The following NPAS3 variants were observed in gnomAD, a reference collection of about 807,000 sequenced individuals.
The protein encoded by NPAS3 is neuronal PAS domain-containing protein 3.
Under a neutral mutation model 73.1 loss-of-function variants are expected in NPAS3, and 14 were observed. The observed-to-expected ratio is 0.19, with a 90% confidence interval of 0.13 to 0.30. NPAS3 has a LOEUF of 0.30. NPAS3 is among the 10% of genes least tolerant of loss of function. NPAS3 has a pLI of 1.00. For missense variants in NPAS3, 1,096 were observed against 1,250.0 expected, an observed-to-expected ratio of 0.88 and a Z score of 1.86; for synonymous variants, 620 against 541.5, an observed-to-expected ratio of 1.14 and a Z score of -2.01.
chr14:33,292,942 G>T (rs1005056851), intron 3 of NPAS3, among the ~76,000 whole-genome samples: 1 of 152,130 alleles, frequency 6.6e-6, no homozygotes, highest in Non-Finnish European at 1.5e-5. Flanking sequence ...TCAATGGGGA[G>T]GTATTCAAGT....
chr14:33,757,685 T>C (rs1279006982), intron 7 of NPAS3, among the ~76,000 whole-genome samples: 2 of 152,212 alleles, frequency 1.3e-5, no homozygotes, highest in African/African-American at 4.8e-5. Flanking sequence ...AATGACTGAC[T>C]GGATCTGGAA....
At chr14:33,172,364 C>T (rs2045424057) in intron 2 of NPAS3, among the ~76,000 whole-genome samples, 1 of 152,152 alleles carries the variant, frequency 6.6e-6, no homozygotes, top group Admixed American at 6.5e-5. Context: ...TATTCCTAGC[C>T]TGCTGCAACT....
rs534597640 is a variant in NPAS3, at chr14:33,312,931, G to T, written c.386-54255G>T. Among the ~76,000 whole-genome samples the T allele has an allele frequency of 3.3e-5, 5 of 152,052 alleles. No homozygotes were observed. The East Asian group carries it at 7.7e-4, about 24-fold the overall frequency. On this transcript the variant is annotated intron_variant, in intron 3 of 11. Transcript: ENST00000356141. ...GGTCGTTATATATACATAGAATTTT[G>T]GTGGTTGGTCCTTTAATTATGGCAT...
intron 3 of NPAS3, among the ~76,000 whole-genome samples, chr14:33,223,994 C>A (rs2047531149): frequency 6.6e-6 from 1 of 152,078 alleles, no homozygotes; most frequent in Non-Finnish European, 1.5e-5. Context: ...ACTTCATATA[C>A]TTTTTCTTTG....
At chr14:33,615,696 A>G (rs570407113) in intron 5 of NPAS3, among the ~76,000 whole-genome samples, 2 of 152,272 alleles carry the variant, frequency 1.3e-5, no homozygotes, top group Non-Finnish European at 2.9e-5. Context: ...GCATAAATCA[A>G]CTTGTTTATT....
intron 4 of NPAS3, among the ~76,000 whole-genome samples, chr14:33,488,953 T>G (rs1007317062): frequency 6.6e-6 from 1 of 152,196 alleles, no homozygotes; most frequent in African/African-American, 2.4e-5. Context: ...GATGCTCACA[T>G]GACAAAGCAG....
At chr14:33,648,392 A>C (rs2058895853) in intron 5 of NPAS3, among the ~76,000 whole-genome samples, 1 of 152,198 alleles carries the variant, frequency 6.6e-6, no homozygotes, top group African/African-American at 2.4e-5. Flanking sequence ...TTTGAAAATA[A>C]CTTGGGCATG....
intron 2 of NPAS3, among the ~76,000 whole-genome samples, chr14:33,064,588 C>A (rs1227672505): frequency 6.6e-6 from 1 of 151,872 alleles, no homozygotes; most frequent in Non-Finnish European, 1.5e-5. Context: ...GAGTGGTGGG[C>A]GGGGAGGGGG....
At chr14:32,944,377 A>G (rs1188547047) in intron 1 of NPAS3, among the ~76,000 whole-genome samples, 1 of 152,242 alleles carries the variant, frequency 6.6e-6, no homozygotes, top group Non-Finnish European at 1.5e-5. Flanking sequence ...TTAGTAAATA[A>G]GTTAGTATGT....
At chr14:33,159,049 A>G (rs1422718054) in intron 2 of NPAS3, among the ~76,000 whole-genome samples, 2 of 152,072 alleles carry the variant, frequency 1.3e-5, no homozygotes, top group Non-Finnish European at 2.9e-5. Context: ...TGTAATCCCA[A>G]CTACTCAGAG....
chr14:33,014,407 A>G (rs1175637585), intron 1 of NPAS3, among the ~76,000 whole-genome samples: 4 of 152,200 alleles, frequency 2.6e-5, no homozygotes, highest in African/African-American at 9.6e-5. Flanking sequence ...TCTAATTAGT[A>G]TCCTCAATAT....
At chr14:33,639,372 C>G (rs1289864893) in intron 5 of NPAS3, among the ~76,000 whole-genome samples, 2 of 151,606 alleles carry the variant, frequency 1.3e-5, no homozygotes, top group Non-Finnish European at 2.9e-5. Flanking sequence ...GTGAAACAAT[C>G]TAAAAAAAAA....
intron 2 of NPAS3, among the ~76,000 whole-genome samples, chr14:33,200,654 C>T (rs2046579602): frequency 6.6e-6 from 1 of 152,122 alleles, no homozygotes; most frequent in African/African-American, 2.4e-5. Flanking sequence ...GATGCCAGTG[C>T]TTTCAAAAAC....
intron 2 of NPAS3, among the ~76,000 whole-genome samples, chr14:33,131,887 T>A (rs1472174546): frequency 6.6e-6 from 1 of 152,124 alleles, no homozygotes; most frequent in Non-Finnish European, 1.5e-5. Context: ...CAATTATACT[T>A]TATCTGATAG....
At chr14:33,347,895 A>T (rs375672662) in intron 3 of NPAS3, among the ~76,000 whole-genome samples, 3 of 151,876 alleles carry the variant, frequency 2.0e-5, no homozygotes, top group East Asian at 3.9e-4. Flanking sequence ...AAATATTTTC[A>T]ATCTGTGGTT....
At chr14:33,735,272 C>T (rs763097646) in exon 7 of NPAS3, 1 of 1,613,694 alleles carries the variant, frequency 6.2e-7, no homozygotes, top group South Asian at 1.1e-5. Flanking sequence ...GTTCCTTTTT[C>T]ATCCGAATGA....
intron 4 of NPAS3, among the ~76,000 whole-genome samples, chr14:33,473,702 A>C (rs1461660154): frequency 6.6e-6 from 1 of 152,176 alleles, no homozygotes; most frequent in African/African-American, 2.4e-5. Flanking sequence ...ATAGAGAGAA[A>C]GTTTTCTGGA....
At chr14:33,735,941 G>T (rs940828830) in intron 7 of NPAS3, among the ~76,000 whole-genome samples, 2 of 152,164 alleles carry the variant, frequency 1.3e-5, no homozygotes, top group Admixed American at 6.6e-5. Context: ...ATCATTTTAA[G>T]GTTAAGGATA....
chr14:33,007,340 C>G lies in NPAS3; in HGVS notation c.51-48565C>G, dbSNP rs149045710. Among the ~76,000 whole-genome samples, 101 of 152,114 alleles carry G rather than the reference C, an allele frequency of 6.6e-4. 2 individuals are homozygous for G. The East Asian group carries it at 0.016, about 25-fold the overall frequency. ...TTTTTGTTCCATATCTCAAATATTA[C>G]GAAATACTACTAGGCTATAGGAGGT... is the stretch of plus-strand genomic sequence containing the variant. On this transcript the variant is annotated intron_variant, in intron 1 of 11. Transcript: ENST00000356141.
Sources: allele counts gnomAD v4.1 joint callset (sites outside exome capture counted in the v4.1 genomes callset), GRCh38; gene constraint gnomAD v4.1.1; transcripts MANE v1.5; gene names NCBI Gene and HGNC (gene_info 2026-07-23, HGNC 2026-07-21).